CACNA1C: variants seen among roughly 807,000 people sequenced by gnomAD.
CACNA1C encodes the protein voltage-dependent L-type calcium channel subunit alpha-1C.
CACNA1C carries 30 observed loss-of-function variants against 229.0 expected under a neutral mutation model. That is an observed-to-expected ratio of 0.13 (90% CI 0.10 to 0.18). CACNA1C has a LOEUF of 0.18. Ranked by LOEUF, CACNA1C falls within the 10% of genes least tolerant of loss-of-function variation. CACNA1C has a pLI of 1.00. For synonymous variants in CACNA1C, 1,114 were observed against 1,132.5 expected, an observed-to-expected ratio of 0.98 and a Z score of 0.33; for missense variants, 1,658 against 2,845.0, an observed-to-expected ratio of 0.58 and a Z score of 9.49.
At chr12:2,052,225 G>A (rs1489131297), upstream of CACNA1C, among the ~76,000 whole-genome samples, 1 of 152,154 alleles carries the variant, frequency 6.6e-6, no homozygotes, top group Non-Finnish European at 1.5e-5. Context: ...TGCCTCCAAG[G>A]AATTATTAAA....
intron 1 of CACNA1C, among the ~76,000 whole-genome samples, chr12:2,092,533 C>T (rs1385355739): frequency 6.6e-6 from 1 of 152,162 alleles, no homozygotes; most frequent in South Asian, 2.1e-4. Flanking sequence ...TGTTTGTTCT[C>T]TTTGGGACAG....
intron 9 of CACNA1C, among the ~76,000 whole-genome samples, chr12:2,523,361 C>T (rs576171556): frequency 4.7e-4 from 71 of 152,264 alleles, no homozygotes; most frequent in African/African-American, 1.6e-3. Flanking sequence ...GTGACCTATC[C>T]GATTTCCTTC....
At chr12:2,431,064 T>G (rs1453674469) in intron 3 of CACNA1C, among the ~76,000 whole-genome samples, 1 of 152,138 alleles carries the variant, frequency 6.6e-6, no homozygotes. Context: ...GGGTGATATG[T>G]TTGAGAAGCA....
chr12:2,091,562 C>T (rs551617054), intron 1 of CACNA1C, among the ~76,000 whole-genome samples: 1 of 152,350 alleles, frequency 6.6e-6, no homozygotes, highest in East Asian at 1.9e-4. Context: ...TTGCTCTCCT[C>T]TCGTGCCTTC....
At position 2,441,899 on chromosome 12, in the gene CACNA1C, G is replaced by C. The variant is rs149432719; in HGVS notation, c.478-7077G>C. On this transcript the variant is annotated intron_variant, in intron 3 of 46. Transcript: ENST00000399655. Reference sequence around the variant, plus strand: ...ATGGCATTGCTCTGGTTCAAGAGGGGATGGGGAGTCAAAGCCTCCTTACTT... The same window carrying C: ...ATGGCATTGCTCTGGTTCAAGAGGGCATGGGGAGTCAAAGCCTCCTTACTT... Among the ~76,000 whole-genome samples, 131 of 152,320 alleles carry C rather than the reference G, an allele frequency of 8.6e-4. 1 individual carries two copies. Among genetic ancestry groups the C allele is most frequent in the African/African-American group, 3.0e-3 (123 of 41,578 alleles).
At chr12:2,232,237 T>G (rs866826559) in intron 3 of CACNA1C, among the ~76,000 whole-genome samples, 7 of 144,944 alleles carry the variant, frequency 4.8e-5, no homozygotes, top group South Asian at 2.4e-4. Context: ...GTTTTTTTTT[T>G]TTTTTTTTTT....
At chr12:2,340,417 G>A (rs2096828622) in intron 3 of CACNA1C, among the ~76,000 whole-genome samples, 1 of 152,172 alleles carries the variant, frequency 6.6e-6, no homozygotes, top group African/African-American at 2.4e-5. Flanking sequence ...TTATTAATCT[G>A]AAAGGAAGAA....
chr12:2,463,294 G>A (rs143529136), intron 5 of CACNA1C, among the ~76,000 whole-genome samples: 124 of 152,248 alleles, frequency 8.1e-4, no homozygotes, highest in African/African-American at 2.8e-3. Context: ...AGATGATTGC[G>A]AGGGTACAAG....
chr12:2,684,078 C>T (rs2097317368), intron 43 of CACNA1C, among the ~76,000 whole-genome samples: 1 of 152,130 alleles, frequency 6.6e-6, no homozygotes, highest in African/African-American at 2.4e-5. Flanking sequence ...CCAGGTGCCC[C>T]ACCCTGAGGA....
chr12:2,122,055 C>T (rs923304868), intron 3 of CACNA1C, among the ~76,000 whole-genome samples: 9 of 152,162 alleles, frequency 5.9e-5, no homozygotes, highest in Non-Finnish European at 8.8e-5. Flanking sequence ...TAGAGGGAAG[C>T]CCTGGGCTGG....
Position 2,509,202 on chromosome 12 carries a change from C to A in CACNA1C, c.1218-3610C>A, listed in dbSNP as rs191904193. On this transcript the variant is annotated intron_variant, in intron 8 of 46. Transcript: ENST00000399655. The stretch of plus-strand genomic sequence containing the variant: ...TTACAGCCAGGAAGTATCGCTGGAC[C>A]ATGGCCCACAGTTAAGACACAGTAT... 3.1e-3 allele frequency among the ~76,000 whole-genome samples: 478 copies of A among 152,304 alleles called. 1 individual carries two copies. The highest frequency in any genetic ancestry group is 0.011 in the African/African-American group (448 of 41,556).
chr12:2,015,445 G>A (rs10848602), intron 1 of CACNA1C, among the ~76,000 whole-genome samples: 27,964 of 152,174 alleles, frequency 0.18, 2,706 homozygotes, highest in Non-Finnish European at 0.21. Context: ...TGGAGCAAGG[G>A]CAGGGATAAT....
chr12:2,500,225 A>AC (rs905028788), intron 7 of CACNA1C, among the ~76,000 whole-genome samples: 5 of 152,136 alleles, frequency 3.3e-5, no homozygotes, highest in African/African-American at 1.2e-4. Context: ...TGGGACGGCG[A>AC]GGGGGACCCA....
At chr12:2,068,001 A>C (rs1306118712) in intron 1 of CACNA1C, among the ~76,000 whole-genome samples, 1 of 152,122 alleles carries the variant, frequency 6.6e-6, no homozygotes, top group Non-Finnish European at 1.5e-5. Flanking sequence ...TGAGAACAGA[A>C]CATTTTGTTA....
rs1392641618 is a variant in CACNA1C at position 2,488,031 on chromosome 12, A to G, written c.916+1769A>G. Among the ~76,000 whole-genome samples the G allele has an allele frequency of 2.0e-5, 3 of 152,206 alleles. No individual in the cohort carries two copies. Among genetic ancestry groups the G allele is most frequent in the African/African-American group, 7.2e-5 (3 of 41,454 alleles). On this transcript the variant is annotated intron_variant, in intron 6 of 46. Transcript: ENST00000399655. This position sits in a 1 kb window ranked among gnomAD's most constrained non-coding sequence, Gnocchi z 4.0. ...TGTGGAGTCTCAAAGATTCCCCATC[A>G]GTTCAGCAGTGAATGATGGTGAGGC... is the stretch of plus-strand genomic sequence containing the variant.
In CACNA1C at chr12:2,651,801, AT is replaced by A. The variant is rs751260327; in HGVS notation, c.4074+34del. 1 of 1,434,514 alleles carries A rather than the reference AT, an allele frequency of 7.0e-7. No homozygotes were observed. The allele number at this position is 1,434,514 out of a possible 1,614,324, so 88.9% of individuals were successfully genotyped here. A position where few individuals can be genotyped will look rare whatever the true frequency, so the allele number is the denominator to read the frequency against. On this transcript the variant is annotated intron_variant, in intron 32 of 46. Transcript: ENST00000399655. The surrounding 1 kb of genome is among the most constrained non-coding windows in gnomAD (Gnocchi z 5.4). ...CCCCTCATGTCCTGCGGCCCGGGGA[AT>A]CGCAGGGCTGCCGCGTGGCCCAGAA... is the stretch of plus-strand genomic sequence containing the variant.
intron 3 of CACNA1C, among the ~76,000 whole-genome samples, chr12:2,310,487 G>A (rs1241741753): frequency 6.6e-6 from 1 of 152,098 alleles, no homozygotes. Flanking sequence ...ATTCTGGTTT[G>A]TTTAGAGATG....
At chr12:2,139,062 G>C (rs946390472) in intron 3 of CACNA1C, among the ~76,000 whole-genome samples, 1 of 150,916 alleles carries the variant, frequency 6.6e-6, no homozygotes, top group African/African-American at 2.4e-5. Context: ...GCATTTGGTG[G>C]CTTAAAACAA....
intron 3 of CACNA1C, among the ~76,000 whole-genome samples, chr12:2,302,752 C>G (rs1324698465): frequency 6.6e-6 from 1 of 152,232 alleles, no homozygotes; most frequent in Non-Finnish European, 1.5e-5. Context: ...TCTTACATAA[C>G]ATTCATTCAG....
Sources: allele counts gnomAD v4.1 joint callset (sites outside exome capture counted in the v4.1 genomes callset), GRCh38; gene constraint gnomAD v4.1.1; non-coding constraint Gnocchi (gnomAD v3.1); transcripts MANE v1.5; gene names NCBI Gene and HGNC (gene_info 2026-07-23, HGNC 2026-07-21).